The following GTPBP4 variants were observed in gnomAD, a reference collection of about 807,000 sequenced individuals.
GTPBP4 encodes GTP-binding protein 4.
In GTPBP4, 15 loss-of-function variants were observed where a neutral mutation model predicts 81.7. The observed-to-expected ratio is 0.18, with a 90% CI of 0.12 to 0.28. The LOEUF (loss-of-function observed/expected upper bound fraction) is 0.28, where lower values mean the gene tolerates loss of function less well. Ranked by LOEUF, GTPBP4 falls within the 10% of genes least tolerant of loss-of-function variation. The pLI is 1.00. For missense variants in GTPBP4, 847 were observed against 793.8 expected (o/e 1.07, Z -0.81); for synonymous variants, 272 against 274.6 (o/e 0.99, Z 0.09).
intron 2 of GTPBP4, among the ~76,000 whole-genome samples, chr10:993,873 C>T (rs373913289): frequency 6.6e-6 from 1 of 151,952 alleles, no homozygotes. Context: ...GATTCTCCTG[C>T]CTCAGCCTCC....
intron 6 of GTPBP4, among the ~76,000 whole-genome samples, chr10:999,683 G>T (rs541201540): frequency 1.3e-5 from 2 of 152,206 alleles, no homozygotes; most frequent in Non-Finnish European, 2.9e-5. Context: ...AGCAGGCTGG[G>T]CACAGTGATT....
In GTPBP4 at chr10:1,012,508, C is replaced by T. The variant is rs1287765890; in HGVS notation, c.1388C>T (p.Ala463Val). The T allele has an allele frequency of 6.2e-7, 1 of 1,612,972 alleles. No individual in the cohort carries two copies. The highest frequency in any genetic ancestry group is 8.5e-7 in the Non-Finnish European group (1 of 1,179,232). The change falls in exon 14 of 17, where the codon GCT becomes GTT. Residue 463 changes from alanine (A) to valine (V), a missense_variant. Ala to Val is a moderately conservative substitution (Grantham distance 64). Around this residue, in one of 3 missense-constraint regions of GTPBP4, gnomAD observed 600 missense variants for 557.1 expected, o/e 1.08. Transcript: ENST00000360803. ...AAAGAAGAAGAGCTGAGAACAGCTGCTGGAGAGTATGACAGTGTATCTGAG... is the reference window on the plus strand; with the variant it reads ...AAAGAAGAAGAGCTGAGAACAGCTGTTGGAGAGTATGACAGTGTATCTGAG... Reference protein sequence around the residue: ...LEKEEELRTAAGEYDSVSESE... With the variant: ...LEKEEELRTAVGEYDSVSESE...
intron 5 of GTPBP4, among the ~76,000 whole-genome samples, chr10:998,254 C>T (rs1414532158): frequency 6.6e-6 from 1 of 152,010 alleles, no homozygotes. Flanking sequence ...TGCACGCCAC[C>T]GCACCTGTTT....
At chr10:1,002,613 C>T (rs1395264420) in intron 8 of GTPBP4, among the ~76,000 whole-genome samples, 1 of 152,082 alleles carries the variant, frequency 6.6e-6, no homozygotes, top group Non-Finnish European at 1.5e-5. Context: ...GACGAATTCT[C>T]TGTTTTTGCT....
intron 2 of GTPBP4, among the ~76,000 whole-genome samples, chr10:995,503 C>T (rs1442073177): frequency 1.7e-5 from 1 of 59,788 alleles, no homozygotes; most frequent in Non-Finnish European, 3.1e-5. Context: ...GTCTTGGGAG[C>T]AAAGAGAGGG....
intron 2 of GTPBP4, among the ~76,000 whole-genome samples, chr10:995,684 T>C (rs1208158453): frequency 6.6e-6 from 1 of 152,186 alleles, no homozygotes; most frequent in Non-Finnish European, 1.5e-5. Context: ...TGGTCATTGC[T>C]GGGTCCCACA....
At chr10:991,748 T>G (rs1204195826) in intron 1 of GTPBP4, among the ~76,000 whole-genome samples, 1 of 134,282 alleles carries the variant, frequency 7.4e-6, no homozygotes, top group Non-Finnish European at 1.5e-5. Flanking sequence ...CAGGCTGGAG[T>G]GCAGTGGCGC....
At position 1,019,583 on chromosome 10, in the gene GTPBP4, G is replaced by A. The variant is rs376118683; in HGVS notation, c.*2356G>A. 7 of 1,613,856 alleles carry A rather than the reference G, an allele frequency of 4.3e-6. No homozygotes were observed. The highest frequency in any genetic ancestry group is 1.3e-5 in the African/African-American group (1 of 74,880). ...CGTCATCCAGGTGAGGCCACCACCG[G>A]TACAGAAACCTCTCGGCAATGGTTC... is the stretch of plus-strand genomic sequence containing the variant. On this transcript the variant is annotated 3_prime_UTR_variant, in exon 17 of 17. Coordinates refer to ENST00000360803, the MANE Select transcript of GTPBP4 (RefSeq NM_012341.3).
chr10:994,063 A>G (rs1218289579), intron 2 of GTPBP4, among the ~76,000 whole-genome samples: 1 of 151,950 alleles, frequency 6.6e-6, no homozygotes, highest in Non-Finnish European at 1.5e-5. Context: ...CTGTCCAATA[A>G]TGGCTTATTT....
intron 8 of GTPBP4, among the ~76,000 whole-genome samples, chr10:1,001,925 A>AT (rs1258782640): frequency 0.041 from 5,115 of 125,388 alleles, 288 homozygotes; most frequent in African/African-American, 0.14. Flanking sequence ...TTTTTATTTT[A>AT]TTTTTGTTTT....
chr10:988,469 C>A lies in GTPBP4; in HGVS notation c.-11C>A. 1.2e-6 allele frequency: 2 copies of A among 1,611,870 alleles called. No individual in the cohort carries two copies. Among genetic ancestry groups the A allele is most frequent in the African/African-American group, 1.3e-5 (1 of 75,050 alleles). On this transcript the variant is annotated 5_prime_UTR_variant, in exon 1 of 17. Transcript: ENST00000360803. The stretch of plus-strand genomic sequence containing the variant: ...GGAGTGCCAAGTACCCGCGTGCATA[C>A]GGCTGCCGGCATGGCACATTACAAC...
chr10:995,979 T>A lies in GTPBP4; in HGVS notation c.270T>A (p.Asp90Glu). The A allele has an allele frequency of 1.9e-6, 3 of 1,612,440 alleles. No individual in the cohort carries two copies. In the South Asian group the frequency reaches 3.3e-5, roughly 18 times the overall value. ...TGATGAATATTCTCTACGACAAGGA[T>A]CATTACAAGTTGGCTCTGGGGCAAA... ...ADLMNILYDK[D>E]HYKLALGQIN... Residue 90 changes from aspartate to glutamate, a missense_variant, in exon 3 of 17, where the codon GAT becomes GAA. Asp to Glu is a conservative substitution (Grantham distance 45). This residue lies in a region of GTPBP4 where 241 missense variants were observed against 216.3 expected (regional missense o/e 1.11). Coordinates refer to ENST00000360803, the MANE Select transcript of GTPBP4 (RefSeq NM_012341.3).
intron 2 of GTPBP4, among the ~76,000 whole-genome samples, chr10:992,931 C>T (rs1831471229): frequency 6.6e-6 from 1 of 152,208 alleles, no homozygotes; most frequent in Admixed American, 6.5e-5. Flanking sequence ...TGTGTAAACC[C>T]TGGGCTTGCA....
chr10:999,161 C>T, intron 6 of GTPBP4, 66 bp downstream of exon 6: 1 of 899,288 alleles, frequency 1.1e-6, no homozygotes, highest in Non-Finnish European at 1.8e-6. Flanking sequence ...TCTTGTTGCC[C>T]AGGCTGGAGT....
intron 1 of GTPBP4, among the ~76,000 whole-genome samples, chr10:990,123 T>C (rs1831416489): frequency 6.6e-6 from 1 of 152,216 alleles, no homozygotes; most frequent in Non-Finnish European, 1.5e-5. Context: ...GAATTTGCTC[T>C]TTGGATTATA....
In GTPBP4 at chr10:988,506, T is replaced by G. The variant is rs933658672; in HGVS notation, c.27T>G (p.Ile9Met). The G allele has an allele frequency of 1.2e-6, 2 of 1,613,090 alleles. No homozygotes were observed. Among genetic ancestry groups the G allele is most frequent in the Non-Finnish European group, 1.7e-6 (2 of 1,179,608 alleles). The change falls in exon 1 of 17, where the codon ATT becomes ATG. Residue 9 changes from isoleucine (I) to methionine (M), a missense_variant. Ile to Met is a conservative substitution (Grantham distance 10). This residue lies in a region of GTPBP4 where 241 missense variants were observed against 216.3 expected (regional missense o/e 1.11). Transcript: ENST00000360803. ...TGGCACATTACAACTTCAAGAAAATTACGGTGGTGCCGTCCGCCAAGGTAG... is the reference window on the plus strand; with the variant it reads ...TGGCACATTACAACTTCAAGAAAATGACGGTGGTGCCGTCCGCCAAGGTAG... Reference protein sequence around the residue: MAHYNFKKITVVPSAKDFI... With the variant: MAHYNFKKMTVVPSAKDFI...
chr10:990,727 C>CAA, intron 1 of GTPBP4, among the ~76,000 whole-genome samples: 1 of 66,020 alleles, frequency 1.5e-5, no homozygotes, highest in African/African-American at 6.5e-5. Context: ...GACTCCATCT[C>CAA]AAAAAAAAAA....
At chr10:1,006,887 T>C in intron 9 of GTPBP4, 131 bp from the exon 10 acceptor site, 1 of 639,632 alleles carries the variant, frequency 1.6e-6, no homozygotes, top group Non-Finnish European at 2.9e-6. Flanking sequence ...TCAGAGAATG[T>C]GGCCCCCTAC....
chr10:1,000,083 A>T (rs1316125637), intron 6 of GTPBP4, among the ~76,000 whole-genome samples: 2 of 152,160 alleles, frequency 1.3e-5, no homozygotes, highest in African/African-American at 2.4e-5. Context: ...GTGTTTTATG[A>T]TGTCGCTGGT....
Sources: gnomAD v4.1 joint callset for allele counts (sites outside exome capture counted in the v4.1 genomes callset) on GRCh38, gnomAD v4.1.1 for gene constraint, gnomAD v4.1.1 regional missense constraint, MANE v1.5 for transcripts, NCBI Gene and HGNC (gene_info 2026-07-23, HGNC 2026-07-21) for gene names.